MCUB: variants seen among roughly 807,000 people sequenced by gnomAD.
MCUB encodes mitochondrial calcium uniporter dominant negative subunit beta.
In MCUB, 46 loss-of-function variants were observed where a neutral mutation model predicts 41.4. The observed-to-expected ratio is 1.11, with a 90% CI of 0.88 to 1.42. The LOEUF (loss-of-function observed/expected upper bound fraction) is 1.42, where lower values mean the gene tolerates loss of function less well. Among genes scored for constraint, MCUB ranks in the 40% most tolerant of loss-of-function variants. The probability of loss-of-function intolerance (pLI) is 0.00; values close to 1 mark genes in which losing one functional copy is unlikely to be tolerated. For missense variants in MCUB, 403 were observed against 404.9 expected (o/e 1.00, Z 0.04); for synonymous variants, 148 against 148.2 (o/e 1.00, Z 0.01).
chr4:109,660,062 G>T, intron 2 of MCUB, 133 bp from the exon 3 acceptor site: 1 of 598,522 alleles, frequency 1.7e-6, no homozygotes. Context: ...GGCATTATTG[G>T]AGCAATACAA....
intron 1 of MCUB, among the ~76,000 whole-genome samples, chr4:109,603,775 GC>G (rs1727804003): frequency 6.7e-6 from 1 of 149,902 alleles, no homozygotes; most frequent in South Asian, 2.1e-4. Context: ...GGTGGGGGGC[GC>G]CCCCGCCCGG....
intron 5 of MCUB, among the ~76,000 whole-genome samples, chr4:109,683,586 A>G (rs1353992455): frequency 6.6e-6 from 1 of 152,214 alleles, no homozygotes; most frequent in African/African-American, 2.4e-5. Flanking sequence ...ACAAACAAAT[A>G]CATTCTTATT....
rs1446701879 is a variant in MCUB at position 109,688,667 on chromosome 4, G to A, written c.*1075G>A. On this transcript the variant is annotated 3_prime_UTR_variant, in exon 8 of 8. Coordinates refer to ENST00000394650, the MANE Select transcript of MCUB (RefSeq NM_017918.5). ...TTTATTAAGGGATGATTTAATTCCT[G>A]GATTTCAAAAACCTTTAAAAACATC... The A allele has an allele frequency of 3.3e-5, 5 of 151,810 alleles. No homozygotes were observed. Among genetic ancestry groups the A allele is most frequent in the Admixed American group, 2.6e-4 (4 of 15,220 alleles). 9.4% of individuals were successfully genotyped at this position (151,810 alleles called of 1,614,324 possible).
At chr4:109,573,600 G>A (rs17040540) in intron 1 of MCUB, among the ~76,000 whole-genome samples, 12,986 of 152,162 alleles carry the variant, frequency 0.085, 1,627 homozygotes, top group African/African-American at 0.28. Context: ...GGAAGTTTCC[G>A]TTGATCCACT....
chr4:109,621,608 G>A (rs946430051), intron 1 of MCUB, among the ~76,000 whole-genome samples: 2 of 152,150 alleles, frequency 1.3e-5, no homozygotes, highest in African/African-American at 2.4e-5. Flanking sequence ...AGAAAGGAAC[G>A]TAATGTTCTA....
chr4:109,684,619 T>C lies in MCUB; in HGVS notation c.789T>C (p.Phe263=). Residue 263 remains phenylalanine, a synonymous_variant, in exon 6 of 8, where the codon TTT becomes TTC. Coordinates refer to ENST00000394650, the MANE Select transcript of MCUB (RefSeq NM_017918.5). ...YFITFANSMV[F]FAYFIVTRQD... is the part of the protein sequence containing the mutation. The stretch of plus-strand genomic sequence containing the variant: ...TCACATTTGCAAATTCTATGGTCTT[T>C]TTTGCATACTTTATAGTCACTCGAC... 1 of 1,546,618 alleles carries C rather than the reference T, an allele frequency of 6.5e-7. No individual in the cohort carries two copies. The highest frequency in any genetic ancestry group is 8.9e-7 in the Non-Finnish European group (1 of 1,118,850).
chr4:109,657,430 C>A (rs1477143881), intron 1 of MCUB, among the ~76,000 whole-genome samples: 2 of 152,122 alleles, frequency 1.3e-5, no homozygotes, highest in Non-Finnish European at 2.9e-5. Context: ...ACAGCGAACA[C>A]ACTTTTAACC....
intron 1 of MCUB, among the ~76,000 whole-genome samples, chr4:109,580,474 G>A (rs531268702): frequency 3.3e-5 from 5 of 152,202 alleles, no homozygotes; most frequent in Non-Finnish European, 5.9e-5. Flanking sequence ...CACAATGGTT[G>A]AACTAGTTTA....
intron 1 of MCUB, among the ~76,000 whole-genome samples, chr4:109,633,831 GA>G (rs569472165): frequency 6.6e-6 from 1 of 151,950 alleles, no homozygotes; most frequent in South Asian, 2.1e-4. Context: ...CTTAGATTAG[GA>G]AAAAAATTGG....
At chr4:109,596,307 G>T (rs369315337) in intron 1 of MCUB, among the ~76,000 whole-genome samples, 3,782 of 113,428 alleles carry the variant, frequency 0.033, 195 homozygotes, top group African/African-American at 0.13. Context: ...GCAGACTGGG[G>T]CTTCCTATGG....
chr4:109,581,215 A>G (rs1234508157), intron 1 of MCUB, among the ~76,000 whole-genome samples: 1 of 152,220 alleles, frequency 6.6e-6, no homozygotes, highest in East Asian at 1.9e-4. Context: ...CAGAGCCCTC[A>G]GAAATAATGC....
intron 1 of MCUB, among the ~76,000 whole-genome samples, chr4:109,563,248 G>A (rs996948779): frequency 6.6e-6 from 1 of 152,102 alleles, no homozygotes; most frequent in Admixed American, 6.5e-5. Context: ...TACAGCATTT[G>A]AGTCCATACA....
chr4:109,651,347 A>T (rs1441789660), intron 1 of MCUB, among the ~76,000 whole-genome samples: 2 of 152,154 alleles, frequency 1.3e-5, no homozygotes, highest in African/African-American at 4.8e-5. Context: ...GTACAGCAAG[A>T]TGCTCTAGGT....
intron 1 of MCUB, among the ~76,000 whole-genome samples, chr4:109,579,615 G>A (rs1727122815): frequency 6.6e-6 from 1 of 152,146 alleles, no homozygotes; most frequent in Non-Finnish European, 1.5e-5. Flanking sequence ...TTGCATTGTG[G>A]ATAGGTAAAT....
intron 1 of MCUB, among the ~76,000 whole-genome samples, chr4:109,563,284 A>G (rs1356380119): frequency 6.6e-6 from 1 of 152,124 alleles, no homozygotes; most frequent in African/African-American, 2.4e-5. Context: ...AAATTTTTAC[A>G]TCAAGCACTC....
intron 7 of MCUB, among the ~76,000 whole-genome samples, chr4:109,686,444 T>C (rs907686690): frequency 6.6e-6 from 1 of 152,234 alleles, no homozygotes; most frequent in Admixed American, 6.5e-5. Flanking sequence ...CAGCCAAGCC[T>C]TTTTAAAAAA....
chr4:109,639,362 T>TC lies in MCUB; in HGVS notation c.100-19644dup, dbSNP rs397971092. ...TTTGAAAGGAATCCTTTTTTTTTTTTCCCCCTGAGCAGTAGGTCTCAACAG... is the reference window on the plus strand; with the variant it reads ...TTTGAAAGGAATCCTTTTTTTTTTTTCCCCCCTGAGCAGTAGGTCTCAACAG... On this transcript the variant is annotated intron_variant, in intron 1 of 7. Transcript: ENST00000394650. Among the ~76,000 whole-genome samples, 1,077 of 151,718 alleles carry TC rather than the reference T, an allele frequency of 7.1e-3. 9 individuals are homozygous for TC. Among genetic ancestry groups the TC allele is most frequent in the Admixed American group, 9.0e-3 (137 of 15,234 alleles).
Position 109,612,950 on chromosome 4 carries a change from T to A in MCUB, c.100-46061T>A, listed in dbSNP as rs561120853. 1.2e-3 allele frequency among the ~76,000 whole-genome samples: 180 copies of A among 151,726 alleles called. 1 individual carries two copies. The highest frequency in any genetic ancestry group is 2.1e-3 in the Non-Finnish European group (143 of 67,900). ...TGAAATCCCGTCTCTACTAAAAATA[T>A]AAAAAATTAGCTGGGTGTGGTGGCG... On this transcript the variant is annotated intron_variant, in intron 1 of 7. Transcript: ENST00000394650.
In MCUB at chr4:109,577,632, T is replaced by C. The variant is rs1389819786; in HGVS notation, c.99+17196T>C. On this transcript the variant is annotated intron_variant, in intron 1 of 7. Coordinates refer to ENST00000394650, the MANE Select transcript of MCUB (RefSeq NM_017918.5). ...TTTTTTTTTTTTTTTTTTTTTGAGA[T>C]GGAGTCTCGCTCTGTCGCCCAGACT... Among the ~76,000 whole-genome samples, 6 of 24,122 alleles carry C rather than the reference T, an allele frequency of 2.5e-4. 2 individuals carry two copies. In the Admixed American group the frequency reaches 2.9e-3, roughly 12 times the overall value. 15.8% of individuals were successfully genotyped at this position (24,122 alleles called of 152,430 possible).
Sources: allele counts gnomAD v4.1 joint callset (sites outside exome capture counted in the v4.1 genomes callset), GRCh38; gene constraint gnomAD v4.1.1; transcripts MANE v1.5; gene names NCBI Gene and HGNC (gene_info 2026-07-23, HGNC 2026-07-21).